Variants in KPNA6 observed in about 807,000 individuals in gnomAD.
The protein encoded by KPNA6 is importin subunit alpha-7.
KPNA6 carries 9 observed loss-of-function variants against 72.0 expected under a neutral mutation model. That is an observed-to-expected ratio of 0.13 (90% CI 0.08 to 0.22). KPNA6 has a LOEUF of 0.22. Ranked by LOEUF, KPNA6 falls within the 10% of genes least tolerant of loss-of-function variation. The pLI is 1.00. For missense variants in KPNA6, 374 were observed against 655.7 expected (o/e 0.57, Z 4.69); for synonymous variants, 219 against 242.1 (o/e 0.90, Z 0.89).
At chr1:32,124,835 C>T (rs893755502) in intron 1 of KPNA6, among the ~76,000 whole-genome samples, 3 of 148,428 alleles carry the variant, frequency 2.0e-5, no homozygotes, top group East Asian at 2.0e-4. Context: ...GAGCTGTTTG[C>T]GTTTAACTTA....
At chr1:32,153,316 AGCACTTTGGGAG>A (rs1217311501) in intron 1 of KPNA6, among the ~76,000 whole-genome samples, 1 of 152,150 alleles carries the variant, frequency 6.6e-6, no homozygotes, top group African/African-American at 2.4e-5. Flanking sequence ...CTGTAATCCC[AGCACTTTGGGAG>A]GCCGAGGCAG....
At chr1:32,115,709 G>A (rs1233996390) in intron 1 of KPNA6, among the ~76,000 whole-genome samples, 8 of 151,992 alleles carry the variant, frequency 5.3e-5, no homozygotes, top group Non-Finnish European at 1.0e-4. Context: ...ACAAGCATGA[G>A]TCACTGAGTT....
intron 2 of KPNA6, 79 bp from the exon 3 acceptor site, chr1:32,156,774 T>C: frequency 1.9e-6 from 2 of 1,065,980 alleles, no homozygotes; most frequent in South Asian, 1.3e-5. Flanking sequence ...TTGTCAGTTA[T>C]GCCATAATTT....
intron 1 of KPNA6, among the ~76,000 whole-genome samples, chr1:32,117,760 G>A (rs918995019): frequency 8.5e-5 from 13 of 152,150 alleles, no homozygotes; most frequent in African/African-American, 3.1e-4. Flanking sequence ...AGGATGGAGA[G>A]GTTTCAGTAA....
intron 6 of KPNA6, among the ~76,000 whole-genome samples, chr1:32,160,236 G>A (rs1175898050): frequency 4.0e-5 from 6 of 148,646 alleles, no homozygotes; most frequent in African/African-American, 1.5e-4. Context: ...GGAGGTGGAG[G>A]TTACAGTGAG....
chr1:32,114,369 A>C (rs1404662869), intron 1 of KPNA6, among the ~76,000 whole-genome samples: 1 of 151,296 alleles, frequency 6.6e-6, no homozygotes, highest in African/African-American at 2.4e-5. Context: ...TGAACCTGGG[A>C]GGTGGAGGTT....
chr1:32,120,295 A>C (rs990985279), intron 1 of KPNA6, among the ~76,000 whole-genome samples: 1 of 147,782 alleles, frequency 6.8e-6, no homozygotes, highest in South Asian at 2.1e-4. Flanking sequence ...CACAGGCTGG[A>C]GTGCAGTGGT....
At chr1:32,151,433 C>T (rs975897649) in intron 1 of KPNA6, among the ~76,000 whole-genome samples, 3 of 152,178 alleles carry the variant, frequency 2.0e-5, no homozygotes, top group Non-Finnish European at 4.4e-5. Flanking sequence ...TGGAGCTTCA[C>T]CCAGCATGTA....
chr1:32,150,780 C>G (rs915430872), intron 1 of KPNA6, among the ~76,000 whole-genome samples: 1 of 152,138 alleles, frequency 6.6e-6, no homozygotes, highest in African/African-American at 2.4e-5. Context: ...GTGCGTGCCA[C>G]CAAGCTCAGC....
Position 32,156,963 on chromosome 1 carries a change from G to C in KPNA6, c.231+18G>C. On this transcript the variant is annotated intron_variant, in intron 3 of 13. Coordinates refer to ENST00000373625, the MANE Select transcript of KPNA6 (RefSeq NM_012316.5). The stretch of plus-strand genomic sequence containing the variant: ...CCACTGGGGTAAGGCCCCTGCATGT[G>C]CCTCAGGCTGACCTGGAAAACACCT... 1 of 1,580,812 alleles carries C rather than the reference G, an allele frequency of 6.3e-7. No individual in the cohort carries two copies. The highest frequency in any genetic ancestry group is 8.7e-7 in the Non-Finnish European group (1 of 1,152,490).
At chr1:32,165,971 C>T (rs1205161686) in intron 10 of KPNA6, 134 bp from the exon 11 acceptor site, 2 of 959,134 alleles carry the variant, frequency 2.1e-6, no homozygotes, top group African/African-American at 3.4e-5. Context: ...GCACTCCAGC[C>T]TGGGCGTCAG....
Position 32,167,180 on chromosome 1 carries a change from T to C in KPNA6, c.1128T>C (p.Asp376=), listed in dbSNP as rs372370190. 5.0e-6 allele frequency: 8 copies of C among 1,613,918 alleles called. No homozygotes were observed. The African/African-American group carries it at 9.3e-5, about 19-fold the overall frequency. Residue 376 remains aspartate, a synonymous_variant, in exon 12 of 14, where the codon GAT becomes GAC. Coordinates refer to ENST00000373625, the MANE Select transcript of KPNA6 (RefSeq NM_012316.5). ...GNRAQIQAVI[D]ANIFPVLIEI... ...CAATTCTCTCTCAGGCTGTTATAGA[T>C]GCAAATATCTTCCCTGTGTTGATCG... is the stretch of plus-strand genomic sequence containing the variant.
At chr1:32,156,750 A>T in intron 2 of KPNA6, 103 bp from the exon 3 acceptor site, 1 of 818,234 alleles carries the variant, frequency 1.2e-6, no homozygotes, top group Non-Finnish European at 2.0e-6. Flanking sequence ...CTTCTCAGCT[A>T]CTCTAGTATA....
intron 1 of KPNA6, among the ~76,000 whole-genome samples, chr1:32,154,386 C>T (rs1294445982): frequency 6.6e-6 from 1 of 151,616 alleles, no homozygotes; most frequent in African/African-American, 2.4e-5. Context: ...TGCTTTAATA[C>T]CACCTGTTTA....
In KPNA6 at chr1:32,154,653, C is replaced by A. The variant is rs747000631; in HGVS notation, c.70C>A (p.Pro24Thr). 9.9e-6 allele frequency: 16 copies of A among 1,613,814 alleles called. No homozygotes were observed. The highest frequency in any genetic ancestry group is 1.4e-5 in the Non-Finnish European group (16 of 1,179,880). Residue 24 changes from proline (P) to threonine (T), a missense_variant, in exon 2 of 14, where the codon CCT becomes ACT. Transcript: ENST00000373625. ...MKSYKNNALN[P>T]EEMRRRREEE... is the part of the protein sequence containing the mutation. ...GAGCTATAAGAACAATGCTCTAAAC[C>A]CTGAAGAAATGAGACGAAGAAGAGA...
At chr1:32,122,333 A>T (rs1269754302) in intron 1 of KPNA6, among the ~76,000 whole-genome samples, 1 of 152,016 alleles carries the variant, frequency 6.6e-6, no homozygotes, top group Non-Finnish European at 1.5e-5. Context: ...GTATTTCAAA[A>T]ATAAGGAAGT....
intron 1 of KPNA6, among the ~76,000 whole-genome samples, chr1:32,110,130 T>C (rs1464692012): frequency 1.4e-5 from 2 of 148,010 alleles, no homozygotes; most frequent in Non-Finnish European, 1.5e-5. Flanking sequence ...AGTGGCCAGA[T>C]CTCGGCTCAC....
chr1:32,160,728 C>T (rs775643662), intron 7 of KPNA6, 25 bp downstream of exon 7: 51 of 1,583,284 alleles, frequency 3.2e-5, no homozygotes, highest in Non-Finnish European at 4.2e-5. Context: ...TCATCTGTAC[C>T]TGGGCGTCTA....
intron 1 of KPNA6, among the ~76,000 whole-genome samples, chr1:32,127,714 T>A (rs541287520): frequency 6.6e-6 from 1 of 152,314 alleles, no homozygotes; most frequent in Non-Finnish European, 1.5e-5. Context: ...TTTTTATGCC[T>A]CTTTAACTGA....
Sources: gnomAD v4.1 joint callset for allele counts (sites outside exome capture counted in the v4.1 genomes callset) on GRCh38, gnomAD v4.1.1 for gene constraint, MANE v1.5 for transcripts, NCBI Gene and HGNC (gene_info 2026-07-23, HGNC 2026-07-21) for gene names.